The following MYO16 variants were observed in gnomAD, a reference collection of about 807,000 sequenced individuals.
MYO16 encodes the protein myosin XVI.
MYO16 carries 94 observed loss-of-function variants against 205.3 expected under a neutral mutation model. The observed-to-expected ratio is 0.46, with a 90% CI of 0.39 to 0.54. The LOEUF (loss-of-function observed/expected upper bound fraction) is 0.54, where lower values mean the gene tolerates loss of function less well. MYO16 is among the 20% of genes least tolerant of loss of function. The pLI is 0.00. For missense variants in MYO16, 2,315 were observed against 2,387.5 expected (o/e 0.97, Z 0.63); for synonymous variants, 988 against 954.0 (o/e 1.04, Z -0.66).
chr13:108,661,464 G>A (rs1881498840), intron 1 of MYO16, among the ~76,000 whole-genome samples: 1 of 151,882 alleles, frequency 6.6e-6, no homozygotes. Context: ...CTTCTTGGAG[G>A]CTTTGTTCAT....
At chr13:108,612,210 G>A (rs1879202636) in intron 1 of MYO16, among the ~76,000 whole-genome samples, 1 of 151,926 alleles carries the variant, frequency 6.6e-6, no homozygotes, top group Admixed American at 6.6e-5. Context: ...TAACATATGT[G>A]CCTTTACAGT....
chr13:108,831,542 C>T (rs540338792), intron 9 of MYO16, among the ~76,000 whole-genome samples: 63 of 152,252 alleles, frequency 4.1e-4, no homozygotes, highest in African/African-American at 1.4e-3. Flanking sequence ...GACAGAGTTT[C>T]GCTCTTGTTG....
At chr13:108,688,112 T>C (rs1372316853) in intron 2 of MYO16, among the ~76,000 whole-genome samples, 2 of 152,144 alleles carry the variant, frequency 1.3e-5, no homozygotes, top group Non-Finnish European at 2.9e-5. Flanking sequence ...TGGAGCTGGG[T>C]AAAAGAAGGC....
At chr13:108,760,891 A>G (rs766767474) in intron 4 of MYO16, among the ~76,000 whole-genome samples, 3 of 152,230 alleles carry the variant, frequency 2.0e-5, no homozygotes, top group South Asian at 2.1e-4. Context: ...TAGCTCCCGC[A>G]TATGAGTGAG....
At chr13:108,902,624 T>A (rs1316976169) in intron 15 of MYO16, among the ~76,000 whole-genome samples, 2 of 152,162 alleles carry the variant, frequency 1.3e-5, no homozygotes, top group African/African-American at 4.8e-5. Context: ...CCCTGCCCAT[T>A]CCTAGCTCTG....
rs766432223 is a variant in MYO16, at chr13:109,120,440, A to G, written c.3509A>G (p.Gln1170Arg). ...DQLNDLCLQLQRKIITCQKVI... is the reference protein window; with the variant it reads ...DQLNDLCLQLRRKIITCQKVI... Reference sequence around the variant, plus strand: ...CTCAATGATTTGTGCCTACAGTTGCAGAGAAAAATTATAACCTGCCAAAAA... The same window carrying G: ...CTCAATGATTTGTGCCTACAGTTGCGGAGAAAAATTATAACCTGCCAAAAA... The change falls in exon 29 of 35, where the codon CAG (glutamine) becomes CGG (arginine). Residue 1170 changes from glutamine to arginine, a missense_variant. By Grantham distance (43) the Gln-to-Arg change is conservative (BLOSUM62 1). Transcript: ENST00000457511. 1.5e-5 allele frequency: 24 copies of G among 1,612,082 alleles called. No individual in the cohort carries two copies. Among genetic ancestry groups the G allele is most frequent in the Non-Finnish European group, 2.0e-5 (24 of 1,179,276 alleles).
chr13:109,174,815 A>G (rs1594159204), intron 33 of MYO16, among the ~76,000 whole-genome samples: 1 of 147,150 alleles, frequency 6.8e-6, no homozygotes, highest in African/African-American at 2.6e-5. Context: ...GCAGTGGCAC[A>G]ATCTCAACTC....
chr13:108,772,892 T>C (rs561495404), intron 4 of MYO16, among the ~76,000 whole-genome samples: 1 of 151,928 alleles, frequency 6.6e-6, no homozygotes, highest in African/African-American at 2.4e-5. Context: ...AAATGATGGG[T>C]GAGTTTGGAT....
chr13:108,739,816 T>G (rs1884837601), intron 4 of MYO16, among the ~76,000 whole-genome samples: 1 of 152,228 alleles, frequency 6.6e-6, no homozygotes, highest in South Asian at 2.1e-4. Context: ...CCCATATTTC[T>G]TGGAGGCTTT....
chr13:108,761,451 G>T (rs1380555110), intron 4 of MYO16, among the ~76,000 whole-genome samples: 2 of 139,024 alleles, frequency 1.4e-5, no homozygotes, highest in East Asian at 4.3e-4. Flanking sequence ...AAGCCGAGGG[G>T]GGAGAAGGAA....
chr13:108,872,722 A>G (rs2139141660), intron 12 of MYO16, among the ~76,000 whole-genome samples: 1 of 152,036 alleles, frequency 6.6e-6, no homozygotes, highest in South Asian at 2.1e-4. Flanking sequence ...ATATGTATAT[A>G]TACACACACA....
chr13:108,702,833 T>C (rs1238025452), intron 2 of MYO16, among the ~76,000 whole-genome samples: 2 of 152,122 alleles, frequency 1.3e-5, no homozygotes. Context: ...AGCAAAGTTT[T>C]TGTACACTCT....
Position 108,810,215 on chromosome 13 carries a change from A to T in MYO16, c.867+3411A>T, listed in dbSNP as rs74786582. On this transcript the variant is annotated intron_variant, in intron 7 of 34. Transcript: ENST00000457511. ...TTAGTACTGAGGAAAGTGTCTGAAG[A>T]TCGTATGTCTTTACTACTTTGTTCC... is the stretch of plus-strand genomic sequence containing the variant. 8.5e-5 allele frequency among the ~76,000 whole-genome samples: 13 copies of T among 152,318 alleles called. No homozygotes were observed. The East Asian group carries it at 2.5e-3, about 29-fold the overall frequency.
At chr13:109,021,555 A>T (rs1265395341) in intron 23 of MYO16, among the ~76,000 whole-genome samples, 1 of 152,130 alleles carries the variant, frequency 6.6e-6, no homozygotes, top group Admixed American at 6.6e-5. Flanking sequence ...GAAGCTAAAG[A>T]GCAACTGGAT....
intron 23 of MYO16, among the ~76,000 whole-genome samples, chr13:109,037,775 T>A (rs1328322833): frequency 1.3e-5 from 2 of 152,184 alleles, no homozygotes; most frequent in Non-Finnish European, 2.9e-5. Flanking sequence ...GGAAACTCAG[T>A]AACTTGCCCT....
intron 34 of MYO16, among the ~76,000 whole-genome samples, chr13:109,189,211 G>A (rs1879812616): frequency 6.6e-6 from 1 of 152,040 alleles, no homozygotes; most frequent in Non-Finnish European, 1.5e-5. Flanking sequence ...TAGCAGTGCT[G>A]GCAGCTGATT....
rs1175491288 is a variant in MYO16, at chr13:108,784,974, G to T, written c.508-661G>T. 2.6e-5 allele frequency among the ~76,000 whole-genome samples: 4 copies of T among 152,322 alleles called. No individual in the cohort carries two copies. The East Asian group carries it at 7.7e-4, about 29-fold the overall frequency. ...GCTGAGAGGGGCAAGGGGTGAAACA[G>T]AGTGCCCAGAGGTGCTGGGCTGATG... On this transcript the variant is annotated intron_variant, in intron 4 of 34. Coordinates refer to ENST00000457511, the MANE Select transcript of MYO16 (RefSeq NM_001198950.3).
chr13:108,979,180 A>G (rs986159761), intron 20 of MYO16, among the ~76,000 whole-genome samples: 2 of 151,888 alleles, frequency 1.3e-5, no homozygotes, highest in African/African-American at 4.8e-5. Context: ...TTTCAAAAAT[A>G]TATTTTCTGT....
chr13:108,972,774 T>A (rs1884103089), intron 20 of MYO16, among the ~76,000 whole-genome samples: 1 of 151,848 alleles, frequency 6.6e-6, no homozygotes, highest in Non-Finnish European at 1.5e-5. Context: ...GTTTGTGGTT[T>A]TTTAGTATTG....
Sources: allele counts gnomAD v4.1 joint callset (sites outside exome capture counted in the v4.1 genomes callset), GRCh38; gene constraint gnomAD v4.1.1; transcripts MANE v1.5; gene names NCBI Gene and HGNC (gene_info 2026-07-23, HGNC 2026-07-21).